IL1RAPL2: variants seen among roughly 807,000 people sequenced by gnomAD.
IL1RAPL2 encodes interleukin 1 receptor accessory protein like 2.
In IL1RAPL2, 3 loss-of-function variants were observed where a neutral mutation model predicts 44.1. That is an observed-to-expected ratio of 0.07 (90% CI 0.03 to 0.18). The LOEUF is 0.18. Ranked by LOEUF, IL1RAPL2 falls within the 10% of genes least tolerant of loss-of-function variation. IL1RAPL2 has a pLI of 1.00. For missense variants in IL1RAPL2, 391 were observed against 496.4 expected (o/e 0.79, Z 2.02); for synonymous variants, 181 against 178.8 (o/e 1.01, Z -0.10).
intron 3 of IL1RAPL2, among the ~76,000 whole-genome samples, chrX:105,216,506 AAAGTG>A (rs1412109124): frequency 2.7e-5 from 3 of 111,539 alleles, no homozygotes; most frequent in African/African-American, 9.8e-5. Flanking sequence ...TAATATTGTG[AAAGTG>A]GCCATACTGC....
intron 2 of IL1RAPL2, among the ~76,000 whole-genome samples, chrX:104,926,830 A>G (rs1924785258): frequency 9.0e-6 from 1 of 111,556 alleles, no homozygotes; most frequent in East Asian, 2.8e-4. Flanking sequence ...GTTTAGAACT[A>G]ACAAATACCA....
chrX:104,983,706 A>G (rs2030509280), intron 2 of IL1RAPL2, among the ~76,000 whole-genome samples: 2 of 101,687 alleles, frequency 2.0e-5, no homozygotes, highest in South Asian at 4.0e-4. Context: ...AATATTATAT[A>G]CATAATATTG....
Position 105,626,295 on chromosome X carries a change from T to A in IL1RAPL2, c.773-91072T>A, listed in dbSNP as rs564492650. On this transcript the variant is annotated intron_variant, in intron 6 of 10. Transcript: ENST00000372582. ...GAAGGTATGTTTGGAAAGAAGCTGA[T>A]GGGGAGTGAGAAATGAGGATTGCTG... 6.2e-4 allele frequency among the ~76,000 whole-genome samples: 69 copies of A among 111,631 alleles called. No individual in the cohort carries two copies. The Middle Eastern group carries it at 0.028, about 45-fold the overall frequency.
At chrX:105,117,280 C>T (rs1157142909) in intron 2 of IL1RAPL2, among the ~76,000 whole-genome samples, 3 of 112,242 alleles carry the variant, frequency 2.7e-5, no homozygotes, top group African/African-American at 9.7e-5. Context: ...AATGAGTATA[C>T]TGATGTGGCA....
At chrX:105,538,105 C>T (rs2036691783) in intron 6 of IL1RAPL2, among the ~76,000 whole-genome samples, 2 of 98,978 alleles carry the variant, frequency 2.0e-5, no homozygotes, top group Admixed American at 1.1e-4. Context: ...GGCGCAATCT[C>T]GGCTCACTGC....
chrX:105,444,683 G>C (rs1183292264), intron 5 of IL1RAPL2, among the ~76,000 whole-genome samples: 1 of 111,061 alleles, frequency 9.0e-6, no homozygotes, highest in Non-Finnish European at 1.9e-5. Flanking sequence ...TACAAGTGCA[G>C]AATGTGTAGG....
intron 1 of IL1RAPL2, among the ~76,000 whole-genome samples, chrX:104,571,573 C>G (rs979942623): frequency 8.9e-6 from 1 of 111,865 alleles, no homozygotes; most frequent in Admixed American, 9.5e-5. Flanking sequence ...TGAACAAGCT[C>G]TCTTGCCTGC....
intron 1 of IL1RAPL2, among the ~76,000 whole-genome samples, chrX:104,616,737 A>G (rs1929287679): frequency 9.0e-6 from 1 of 111,566 alleles, no homozygotes; most frequent in Non-Finnish European, 1.9e-5. Flanking sequence ...ATTTCTGACC[A>G]ATCAATGCTT....
chrX:105,766,241 G>A (rs980906996), intron 10 of IL1RAPL2, among the ~76,000 whole-genome samples: 1 of 111,579 alleles, frequency 9.0e-6, no homozygotes, highest in Non-Finnish European at 1.9e-5. Context: ...CCCCACCTCC[G>A]ACTCTACTCT....
chrX:105,035,106 G>T (rs2031603047), intron 2 of IL1RAPL2, among the ~76,000 whole-genome samples: 2 of 111,420 alleles, frequency 1.8e-5, no homozygotes, highest in Admixed American at 1.9e-4. Flanking sequence ...GAAGTATTAG[G>T]GTGGGAGTGA....
intron 2 of IL1RAPL2, among the ~76,000 whole-genome samples, chrX:105,021,650 A>G (rs1469538344): frequency 9.0e-6 from 1 of 110,560 alleles, no homozygotes; most frequent in African/African-American, 3.3e-5. Flanking sequence ...ATGTTAACCC[A>G]TTTTCATTTG....
At chrX:104,846,080 C>T (rs375034626) in intron 2 of IL1RAPL2, among the ~76,000 whole-genome samples, 2 of 111,597 alleles carry the variant, frequency 1.8e-5, no homozygotes, top group East Asian at 5.6e-4. Context: ...GGGCCGATAT[C>T]ATTTTGTTAG....
chrX:105,498,697 A>G (rs1472045991), intron 6 of IL1RAPL2, among the ~76,000 whole-genome samples: 1 of 112,214 alleles, frequency 8.9e-6, no homozygotes, highest in Non-Finnish European at 1.9e-5. Flanking sequence ...ACAGATATGT[A>G]GAACAACGGA....
chrX:105,021,477 C>A (rs1316673760), intron 2 of IL1RAPL2, among the ~76,000 whole-genome samples: 3 of 110,910 alleles, frequency 2.7e-5, no homozygotes, highest in African/African-American at 9.8e-5. Flanking sequence ...GAATTATAGA[C>A]CGCTCTGCTG....
chrX:105,518,144 AT>A (rs1038220867), intron 6 of IL1RAPL2, among the ~76,000 whole-genome samples: 1 of 110,130 alleles, frequency 9.1e-6, no homozygotes, highest in Non-Finnish European at 1.9e-5. Context: ...ACTTGGAGAA[AT>A]TTTGAGGGTA....
chrX:104,672,351 G>T (rs1930626150), intron 2 of IL1RAPL2, among the ~76,000 whole-genome samples: 2 of 110,358 alleles, frequency 1.8e-5, no homozygotes, highest in African/African-American at 3.3e-5. Context: ...GCGGTGTTTG[G>T]TTTTTTGTTC....
intron 6 of IL1RAPL2, among the ~76,000 whole-genome samples, chrX:105,640,654 GTATATATATATATA>G (rs768814568): frequency 0.023 from 1,393 of 59,466 alleles, 44 homozygotes; most frequent in African/African-American, 0.069. Context: ...GTATGTGTGT[GTATATATATATATA>G]TATATATATA....
rs1354870042 is a variant in IL1RAPL2, at chrX:105,199,534, A to G, written c.356+3786A>G. On this transcript the variant is annotated intron_variant, in intron 3 of 10. Transcript: ENST00000372582. ...CTCAGCTAACAGTCTATTTGCTTTTAAACAAAGCCATAGATTGTGAAGGAG... is the reference window on the plus strand; with the variant it reads ...CTCAGCTAACAGTCTATTTGCTTTTGAACAAAGCCATAGATTGTGAAGGAG... 3.6e-5 allele frequency among the ~76,000 whole-genome samples: 4 copies of G among 111,170 alleles called. 1 individual carries two copies. Among genetic ancestry groups the G allele is most frequent in the Non-Finnish European group, 7.6e-5 (4 of 52,977 alleles).
intron 2 of IL1RAPL2, among the ~76,000 whole-genome samples, chrX:105,031,066 A>T (rs1448449725): frequency 1.8e-5 from 2 of 109,931 alleles, no homozygotes; most frequent in East Asian, 5.7e-4. Flanking sequence ...GTGTATAAGA[A>T]TGCTTGTGAT....
Sources: gnomAD v4.1 joint callset for allele counts (sites outside exome capture counted in the v4.1 genomes callset) on GRCh38, gnomAD v4.1.1 for gene constraint, MANE v1.5 for transcripts, NCBI Gene and HGNC (gene_info 2026-07-23, HGNC 2026-07-21) for gene names.